The following BRMS1 variants were observed in gnomAD, a reference collection of about 807,000 sequenced individuals.
BRMS1 encodes breast cancer metastasis-suppressor 1.
In BRMS1, 26 loss-of-function variants were observed where a neutral mutation model predicts 40.4. That is an observed-to-expected ratio of 0.64 (90% CI 0.47 to 0.89). The LOEUF is 0.89. Among genes scored for constraint, BRMS1 ranks in the 40% least tolerant of loss-of-function variants. The pLI is 0.00. For missense variants in BRMS1, 289 were observed against 309.4 expected (o/e 0.93, Z 0.49); for synonymous variants, 103 against 116.0 (o/e 0.89, Z 0.72).
intron 6 of BRMS1, 37 bp from the exon 7 acceptor site, chr11:66,340,250 C>T (rs1349314484): frequency 6.4e-7 from 1 of 1,566,078 alleles, no homozygotes; most frequent in Non-Finnish European, 8.8e-7. Flanking sequence ...GGGGTGCTGG[C>T]CCACAGGATA....
In BRMS1 at chr11:66,337,350, G is replaced by C; in HGVS notation, c.*532C>G. On this transcript the variant is annotated 3_prime_UTR_variant, in exon 10 of 10. Transcript: ENST00000359957. ...AGGGCACGCCAGAGTCCCAGGAAAG[G>C]TTTTAATTCCAGTCCTTGGAATCTG... 1 of 340,300 alleles carries C rather than the reference G, an allele frequency of 2.9e-6. No homozygotes were observed. The allele number at this position is 340,300 out of a possible 1,614,324, so 21.1% of individuals were successfully genotyped here. A position where few individuals can be genotyped will look rare whatever the true frequency, so the allele number is the denominator to read the frequency against.
Position 66,341,285 on chromosome 11 carries a change from C to A in BRMS1, c.279G>T (p.Val93=). The A allele has an allele frequency of 2.5e-6, 4 of 1,613,636 alleles. No individual in the cohort carries two copies. The highest frequency in any genetic ancestry group is 2.5e-6 in the Non-Finnish European group (3 of 1,179,710). Residue 93 remains valine, a synonymous_variant, in exon 4 of 10, where the codon GTG becomes GTT. Coordinates refer to ENST00000359957, the MANE Select transcript of BRMS1 (RefSeq NM_015399.4). This position sits in a 1 kb window ranked among gnomAD's most constrained non-coding sequence, Gnocchi z 4.9. ...LSQLRLRLEE[V]GAERAPEYTE... ...TGTATTCAGGGGCTCTCTCAGCCCC[C>A]ACTTCCTCCAGCCGCAACCGCAGCT...
intron 1 of BRMS1, among the ~76,000 whole-genome samples, chr11:66,342,573 CTTA>C (rs1247553494): frequency 6.6e-6 from 1 of 152,300 alleles, no homozygotes; most frequent in Admixed American, 6.5e-5. Context: ...TTCTTTTCTT[CTTA>C]TTATTTTTTG....
At chr11:66,340,276 C>A in intron 6 of BRMS1, 63 bp from the exon 7 acceptor site, 1 of 1,443,480 alleles carries the variant, frequency 6.9e-7, no homozygotes. Flanking sequence ...TTTTCTGTAG[C>A]CTCTGCCTCC....
chr11:66,344,904 G>A (rs571016432), intron 1 of BRMS1, 68 bp downstream of exon 1: 1 of 152,388 alleles, frequency 6.6e-6, no homozygotes, highest in East Asian at 1.9e-4. Flanking sequence ...CTCGGAGGAG[G>A]AGGTTGTGCC....
At position 66,340,167 on chromosome 11, in the gene BRMS1, C is replaced by T. The variant is rs1162834471; in HGVS notation, c.582G>A (p.Trp194Ter). 6.2e-7 allele frequency: 1 copy of T among 1,613,644 alleles called. No individual in the cohort carries two copies. Among genetic ancestry groups the T allele is most frequent in the South Asian group, 1.1e-5 (1 of 91,040 alleles). Residue 194 changes from tryptophan (W) to a stop codon, truncating the protein, a stop_gained, in exon 7 of 10, where the codon TGG (tryptophan) becomes TGA (stop). Transcript: ENST00000359957. LOFTEE classifies it high-confidence loss of function. Reference sequence around the variant, plus strand: ...TCCTCTTGCTGGGCGGCAGGGAGTCCCAAGACCTGGAGCTGCCTCTGGCGT... The same window carrying T: ...TCCTCTTGCTGGGCGGCAGGGAGTCTCAAGACCTGGAGCTGCCTCTGGCGT... ...KLHARGSSRS[W>*]DSLPPSKRKK... is the part of the protein sequence containing the mutation.
At position 66,338,431 on chromosome 11, in the gene BRMS1, C is replaced by T. The variant is rs546340175; in HGVS notation, c.694-149G>A. The T allele has an allele frequency of 7.3e-5, 111 of 1,513,748 alleles. 2 individuals carry two copies. In the South Asian group the frequency reaches 1.3e-3, roughly 18 times the overall value. The allele number at this position is 1,513,748 out of a possible 1,614,324, so 93.8% of individuals were successfully genotyped here. ...ATAGGCCCCACCCAGGCAGAGCTCC[C>T]ATGCTCCTGACTGCTGGCCAGCTCA... On this transcript the variant is annotated intron_variant, in intron 8 of 9. Transcript: ENST00000359957.
rs947978 is a variant in BRMS1 at position 66,341,189 on chromosome 11, C to T, written c.358+17G>A. ...CGGGTTCTGGGAGGGGAAGAGGGTACAGAACCACCCACAGACCTGCCACCT... is the reference window on the plus strand; with the variant it reads ...CGGGTTCTGGGAGGGGAAGAGGGTATAGAACCACCCACAGACCTGCCACCT... On this transcript the variant is annotated intron_variant, in intron 4 of 9. Coordinates refer to ENST00000359957, the MANE Select transcript of BRMS1 (RefSeq NM_015399.4). This position sits in a 1 kb window ranked among gnomAD's most constrained non-coding sequence, Gnocchi z 4.9. The T allele has an allele frequency of 0.68, 1,088,524 of 1,611,586 alleles. 375,529 individuals carry two copies. Among genetic ancestry groups the T allele is most frequent in the South Asian group, 0.81 (73,401 of 91,034 alleles).
intron 8 of BRMS1, 106 bp downstream of exon 8, chr11:66,338,615 G>A (rs745692019): frequency 3.8e-6 from 6 of 1,591,802 alleles, no homozygotes; most frequent in South Asian, 3.4e-5. Context: ...TGAAGATGGG[G>A]AAGCCTTGGT....
intron 8 of BRMS1, 43 bp from the exon 9 acceptor site, chr11:66,338,325 A>G (rs769923785): frequency 2.5e-6 from 4 of 1,582,136 alleles, no homozygotes; most frequent in Non-Finnish European, 3.4e-6. Flanking sequence ...GCCCACCTCC[A>G]GCTTGGCAAT....
intron 8 of BRMS1, 99 bp downstream of exon 8, chr11:66,338,622 T>G (rs1295652191): frequency 1.9e-6 from 3 of 1,599,308 alleles, no homozygotes; most frequent in Non-Finnish European, 2.6e-6. Flanking sequence ...GGGGAAGCCT[T>G]GGTGAGCAGA....
intron 1 of BRMS1, among the ~76,000 whole-genome samples, chr11:66,343,703 G>A (rs910145244): frequency 6.6e-6 from 1 of 152,196 alleles, no homozygotes; most frequent in African/African-American, 2.4e-5. Flanking sequence ...AATCTGAGCT[G>A]CAGGGATTTG....
At chr11:66,340,076 C>A in intron 7 of BRMS1, 45 bp downstream of exon 7, 1 of 1,558,352 alleles carries the variant, frequency 6.4e-7, no homozygotes, top group Admixed American at 1.7e-5. Context: ...TGGAGTTGAC[C>A]CTTACATCCT....
intron 6 of BRMS1, 81 bp from the exon 7 acceptor site, chr11:66,340,294 G>T (rs1855037589): frequency 5.5e-6 from 7 of 1,270,028 alleles, no homozygotes; most frequent in Non-Finnish European, 7.9e-6. Flanking sequence ...TCCACCATGG[G>T]CCGGCCTGGC....
Position 66,337,557 on chromosome 11 carries a change from G to T in BRMS1, c.*325C>A. 1.1e-6 allele frequency: 1 copy of T among 881,296 alleles called. No homozygotes were observed. Among genetic ancestry groups the T allele is most frequent in the Non-Finnish European group, 1.7e-6 (1 of 588,936 alleles). The allele number at this position is 881,296 out of a possible 1,614,324, so 54.6% of individuals were successfully genotyped here. A position where few individuals can be genotyped will look rare whatever the true frequency, so the allele number is the denominator to read the frequency against. On this transcript the variant is annotated 3_prime_UTR_variant, in exon 10 of 10. Coordinates refer to ENST00000359957, the MANE Select transcript of BRMS1 (RefSeq NM_015399.4). Reference sequence around the variant, plus strand: ...GCATCCAACATCAGCAAGAGGATGTGGCTTTGACTTCGGCTGTCTTCTCTG... The same window carrying T: ...GCATCCAACATCAGCAAGAGGATGTTGCTTTGACTTCGGCTGTCTTCTCTG...
chr11:66,338,601 G>A (rs1265107805), intron 8 of BRMS1, 120 bp downstream of exon 8: 1 of 1,577,528 alleles, frequency 6.3e-7, no homozygotes, highest in Non-Finnish European at 8.6e-7. Flanking sequence ...CAGGGACTCT[G>A]GGCTGAAGAT....
At chr11:66,340,719 G>A (rs1855045021) in intron 6 of BRMS1, 55 bp downstream of exon 6, 2 of 1,445,754 alleles carry the variant, frequency 1.4e-6, no homozygotes, top group Non-Finnish European at 1.9e-6. Flanking sequence ...CCAAAGAGGG[G>A]TGGGCGTGGA....
rs200013073 is a variant in BRMS1 at position 66,340,797 on chromosome 11, C to T, written c.512G>A (p.Arg171His). ...ACCAGAGCTGAGGTCCAGGCTCTGG[C>T]GGTCCTCCTCCAGCCTCTGGATCCG... is the stretch of plus-strand genomic sequence containing the variant. The part of the protein sequence containing the change: ...QERIQRLEED[R>H]QSLDLSSEWW... The change falls in exon 6 of 10, where the codon CGC becomes CAC. Residue 171 changes from arginine to histidine, a missense_variant. Coordinates refer to ENST00000359957, the MANE Select transcript of BRMS1 (RefSeq NM_015399.4). 52 of 1,612,702 alleles carry T rather than the reference C, an allele frequency of 3.2e-5. 1 individual carries two copies. In the East Asian group the frequency reaches 4.9e-4, roughly 15 times the overall value.
rs1422156816 is a variant in BRMS1, at chr11:66,341,474, C to T, written c.230+59G>A. The T allele has an allele frequency of 3.1e-6, 5 of 1,603,924 alleles. No homozygotes were observed. Among genetic ancestry groups the T allele is most frequent in the Non-Finnish European group, 2.6e-6 (3 of 1,171,366 alleles). On this transcript the variant is annotated intron_variant, in intron 3 of 9. Transcript: ENST00000359957. This position sits in a 1 kb window ranked among gnomAD's most constrained non-coding sequence, Gnocchi z 4.9. ...CCAACCACGCCTGCCCAGTACCAGGCCCACCACCTCCTCATCCCAGATCCT... is the reference window on the plus strand; with the variant it reads ...CCAACCACGCCTGCCCAGTACCAGGTCCACCACCTCCTCATCCCAGATCCT...
Sources: allele counts gnomAD v4.1 joint callset (sites outside exome capture counted in the v4.1 genomes callset), GRCh38; gene constraint gnomAD v4.1.1; non-coding constraint Gnocchi (gnomAD v3.1); transcripts MANE v1.5; gene names NCBI Gene and HGNC (gene_info 2026-07-23, HGNC 2026-07-21).